PPP4R2: variants seen among roughly 807,000 people sequenced by gnomAD.
PPP4R2 encodes the protein protein phosphatase 4 regulatory subunit 2, also known as serine/threonine-protein phosphatase 4 regulatory subunit 2.
In PPP4R2, 13 loss-of-function variants were observed where a neutral mutation model predicts 47.2. The observed-to-expected ratio is 0.28, with a 90% CI of 0.18 to 0.44. PPP4R2 has a LOEUF of 0.44. PPP4R2 is among the 20% of genes least tolerant of loss of function. The pLI is 1.00. For missense variants in PPP4R2, 421 were observed against 491.2 expected (o/e 0.86, Z 1.35); for synonymous variants, 151 against 163.3 (o/e 0.92, Z 0.57).
chr3:73,005,837 A>AAAAAAAAAAAAG lies in PPP4R2; in HGVS notation c.116+7688_116+7689insAAGAAAAAAAAA, dbSNP rs1701599275. ...ACAAGAGTGAAACTCTGTCTGCAAA[A>AAAAAAAAAAAAG]AAAAAAAAATCAGTGTTATTGAGGT... On this transcript the variant is annotated intron_variant, in intron 2 of 8. Coordinates refer to ENST00000356692, the MANE Select transcript of PPP4R2 (RefSeq NM_174907.4). Among the ~76,000 whole-genome samples the AAAAAAAAAAAAG allele has an allele frequency of 2.0e-5, 3 of 151,976 alleles. No homozygotes were observed. In the South Asian group the frequency reaches 6.2e-4, roughly 32 times the overall value.
At chr3:73,025,280 G>T (rs1334334377) in intron 2 of PPP4R2, among the ~76,000 whole-genome samples, 1 of 152,122 alleles carries the variant, frequency 6.6e-6, no homozygotes, top group Non-Finnish European at 1.5e-5. Context: ...CTGTTGTGAA[G>T]GTTATAATGG....
chr3:73,015,083 G>A (rs933214942), intron 2 of PPP4R2: 1 of 455,896 alleles, frequency 2.2e-6, no homozygotes. Context: ...GATATAGGAA[G>A]AAAATAAATA....
chr3:72,997,224 G>C (rs1701365765), intron 1 of PPP4R2, 153 bp downstream of exon 1: 2 of 502,344 alleles, frequency 4.0e-6, no homozygotes, highest in East Asian at 7.1e-5. Flanking sequence ...CCAGGGGCGG[G>C]GAGCCCTGTG....
At chr3:73,030,178 A>C (rs1431646202) in intron 2 of PPP4R2, among the ~76,000 whole-genome samples, 2 of 152,216 alleles carry the variant, frequency 1.3e-5, no homozygotes, top group African/African-American at 4.8e-5. Context: ...AGCAAATAAA[A>C]AGTTGATGTA....
At chr3:73,022,573 A>G (rs1012675694) in intron 2 of PPP4R2, among the ~76,000 whole-genome samples, 1 of 152,178 alleles carries the variant, frequency 6.6e-6, no homozygotes, top group African/African-American at 2.4e-5. Context: ...TTTCTGTTAC[A>G]TATGTAAATT....
intron 2 of PPP4R2, among the ~76,000 whole-genome samples, chr3:73,029,342 A>G (rs1702126524): frequency 6.6e-6 from 1 of 152,262 alleles, no homozygotes; most frequent in African/African-American, 2.4e-5. Context: ...GAGGTAAAGT[A>G]AGCTAGAGGC....
intron 2 of PPP4R2, among the ~76,000 whole-genome samples, chr3:73,007,365 G>A (rs1024669708): frequency 2.6e-5 from 4 of 152,086 alleles, no homozygotes; most frequent in Non-Finnish European, 5.9e-5. Context: ...AGTAGTTATC[G>A]ACAACTAAGA....
intron 2 of PPP4R2, among the ~76,000 whole-genome samples, chr3:73,041,893 G>A (rs1246384420): frequency 1.3e-5 from 2 of 152,224 alleles, no homozygotes; most frequent in Non-Finnish European, 2.9e-5. Context: ...AGAGAAACAT[G>A]TTTGAATATG....
intron 2 of PPP4R2, among the ~76,000 whole-genome samples, chr3:73,001,464 C>T (rs941562314): frequency 7.6e-6 from 1 of 132,142 alleles, no homozygotes; most frequent in Non-Finnish European, 1.7e-5. Flanking sequence ...CTCCCAGCTA[C>T]TTGGGAGGAG....
At chr3:73,061,589 A>G (rs1194063412) in intron 5 of PPP4R2, 1 of 164,516 alleles carries the variant, frequency 6.1e-6, no homozygotes, top group Non-Finnish European at 1.3e-5. Context: ...CTTGACCTCT[A>G]CCCACTTATG....
chr3:73,043,852 A>G (rs555650376), intron 2 of PPP4R2, among the ~76,000 whole-genome samples: 1 of 152,352 alleles, frequency 6.6e-6, no homozygotes, highest in African/African-American at 2.4e-5. Flanking sequence ...ACTATCATCC[A>G]TCTGCAGAAC....
chr3:73,005,492 C>G (rs1313416154), intron 2 of PPP4R2, among the ~76,000 whole-genome samples: 1 of 151,952 alleles, frequency 6.6e-6, no homozygotes, highest in East Asian at 1.9e-4. Context: ...ATTGCTGCAT[C>G]TTTGCATATC....
intron 2 of PPP4R2, chr3:73,027,669 T>C (rs968675109): frequency 6.7e-6 from 1 of 149,168 alleles, no homozygotes; most frequent in Non-Finnish European, 1.5e-5. Context: ...GGTGTGTGTG[T>C]GTGTGTGTGT....
At chr3:73,044,398 AAC>A (rs1410992698) in intron 2 of PPP4R2, among the ~76,000 whole-genome samples, 1 of 152,134 alleles carries the variant, frequency 6.6e-6, no homozygotes, top group Non-Finnish European at 1.5e-5. Flanking sequence ...CAGCCTGGCC[AAC>A]ATGGTGAAAC....
chr3:73,004,857 GTGTGTGTGTGTGTTTGTT>G (rs146957439), intron 2 of PPP4R2, among the ~76,000 whole-genome samples: 55,733 of 138,672 alleles, frequency 0.4, 10,996 homozygotes, highest in African/African-American at 0.49. Flanking sequence ...GTGTGTGTGT[GTGTGTGTGTGTGTTTGTT>G]TGTTTGTTTG....
In PPP4R2 at chr3:73,067,603, A is replaced by C. The variant is rs1193407721; in HGVS notation, c.*1881A>C. The C allele has an allele frequency of 1.3e-5, 2 of 152,194 alleles. No individual in the cohort carries two copies. The highest frequency in any genetic ancestry group is 2.9e-5 in the Non-Finnish European group (2 of 67,994). 9.4% of individuals were successfully genotyped at this position (152,194 alleles called of 1,614,324 possible). ...GTTAAAATGAGGCAAATTTAAGTTT[A>C]CAAATTTTGAAATTTTCTTTTGAAT... On this transcript the variant is annotated 3_prime_UTR_variant, in exon 9 of 9. Transcript: ENST00000356692.
chr3:73,053,908 CAAA>C (rs10631666), intron 3 of PPP4R2, among the ~76,000 whole-genome samples: 3 of 103,672 alleles, frequency 2.9e-5, no homozygotes, highest in Non-Finnish European at 3.9e-5. Flanking sequence ...GACACCATCT[CAAA>C]AAAAAAAAAA....
At chr3:73,030,579 T>C (rs1221396241) in intron 2 of PPP4R2, among the ~76,000 whole-genome samples, 2 of 151,796 alleles carry the variant, frequency 1.3e-5, no homozygotes, top group Non-Finnish European at 1.5e-5. Flanking sequence ...CTTTCTTCCC[T>C]ATGTAGGCAC....
At chr3:73,020,174 G>T (rs1285457618) in intron 2 of PPP4R2, among the ~76,000 whole-genome samples, 1 of 152,124 alleles carries the variant, frequency 6.6e-6, no homozygotes, top group African/African-American at 2.4e-5. Flanking sequence ...ATGTGGTAAG[G>T]CTTTCTTCCT....
Sources: gnomAD v4.1 joint callset for allele counts (sites outside exome capture counted in the v4.1 genomes callset) on GRCh38, gnomAD v4.1.1 for gene constraint, MANE v1.5 for transcripts, NCBI Gene and HGNC (gene_info 2026-07-23, HGNC 2026-07-21) for gene names.